PADI2: variants seen among roughly 807,000 people sequenced by gnomAD.
PADI2 encodes the protein peptidyl arginine deiminase 2.
A neutral mutation model predicts 81.1 loss-of-function variants in PADI2; 70 were observed. That is an observed-to-expected ratio of 0.86 (90% CI 0.71 to 1.05). The LOEUF is 1.05. Ranked by LOEUF, PADI2 falls within the 50% of genes least tolerant of loss-of-function variation. PADI2 has a pLI of 0.00. For missense variants in PADI2, 853 were observed against 889.9 expected, an observed-to-expected ratio of 0.96 and a Z score of 0.53; for synonymous variants, 338 against 358.0, an observed-to-expected ratio of 0.94 and a Z score of 0.63.
intron 2 of PADI2, among the ~76,000 whole-genome samples, chr1:17,104,592 C>A (rs1931287615): frequency 1.3e-5 from 2 of 151,714 alleles, no homozygotes; most frequent in South Asian, 4.2e-4. Flanking sequence ...CCGCCCCATG[C>A]CTGGCTAATC....
At chr1:17,107,192 C>G (rs1931410992) in intron 1 of PADI2, among the ~76,000 whole-genome samples, 1 of 152,176 alleles carries the variant, frequency 6.6e-6, no homozygotes, top group Admixed American at 6.5e-5. Flanking sequence ...GTCTCAAAGG[C>G]ACAGCTGCTA....
At position 17,068,952 on chromosome 1, in the gene PADI2, C is replaced by A; in HGVS notation, c.*92G>T. 1.0e-6 allele frequency: 1 copy of A among 994,968 alleles called. No individual in the cohort carries two copies. Among genetic ancestry groups the A allele is most frequent in the Non-Finnish European group, 1.6e-6 (1 of 626,130 alleles). 61.6% of individuals were successfully genotyped at this position (994,968 alleles called of 1,614,324 possible). A position where few individuals can be genotyped will look rare whatever the true frequency, so the allele number is the denominator to read the frequency against. ...ACGTCCCAAAGGTCTCCCAGCGGGG[C>A]TGTCCAGTCCATGTCAGCAGAAGGC... On this transcript the variant is annotated 3_prime_UTR_variant, in exon 16 of 16. Coordinates refer to ENST00000375486, the MANE Select transcript of PADI2 (RefSeq NM_007365.3).
chr1:17,092,326 C>T, intron 6 of PADI2, 82 bp downstream of exon 6: 3 of 1,204,588 alleles, frequency 2.5e-6, no homozygotes, highest in Non-Finnish European at 3.5e-6. Context: ...CAGGCACCTG[C>T]ACCTGTGAAG....
rs543862757 is a variant in PADI2, at chr1:17,098,060, T to A, written c.350-2090A>T. 2.6e-5 allele frequency among the ~76,000 whole-genome samples: 4 copies of A among 152,040 alleles called. No individual in the cohort carries two copies. In the South Asian group the frequency reaches 8.3e-4, roughly 32 times the overall value. On this transcript the variant is annotated intron_variant, in intron 3 of 15. Transcript: ENST00000375486. ...CACCCCCACCCCCTAACGATACAGA[T>A]GAGGAAACCCAGGCCCGCAGCAGGG...
intron 3 of PADI2, among the ~76,000 whole-genome samples, chr1:17,096,800 T>C (rs1930948085): frequency 6.6e-6 from 1 of 152,246 alleles, no homozygotes; most frequent in African/African-American, 2.4e-5. Context: ...TGAGCCCCAG[T>C]TTCCTCACTT....
At chr1:17,096,160 G>C (rs531756750) in intron 3 of PADI2, among the ~76,000 whole-genome samples, 190 bp from the exon 4 acceptor site, 1 of 152,216 alleles carries the variant, frequency 6.6e-6, no homozygotes, top group African/African-American at 2.4e-5. Context: ...ACCGTCAGCA[G>C]ACACCGTGTG....
chr1:17,075,812 C>T lies in PADI2; in HGVS notation c.1322G>A (p.Arg441Gln), dbSNP rs201295732. The change falls in exon 12 of 16, where the codon CGG (arginine) becomes CAG (glutamine). Residue 441 changes from arginine to glutamine, a missense_variant. Arg to Gln is a conservative substitution (Grantham distance 43). Coordinates refer to ENST00000375486, the MANE Select transcript of PADI2 (RefSeq NM_007365.3). ...IGSSFPLSGG[R>Q]RMTKVVRDFL... The stretch of plus-strand genomic sequence containing the variant: ...GTCACGCACCACCTTGGTCATCCTC[C>T]GACCACCAGACCTGGAGAAGGGAGG... The T allele has an allele frequency of 6.6e-5, 106 of 1,613,750 alleles. No homozygotes were observed. The highest frequency in any genetic ancestry group is 1.7e-4 in the Middle Eastern group (1 of 6,060).
At chr1:17,100,054 G>A (rs1931089338) in intron 3 of PADI2, among the ~76,000 whole-genome samples, 1 of 151,786 alleles carries the variant, frequency 6.6e-6, no homozygotes, top group African/African-American at 2.4e-5. Context: ...TTGGGGGGGG[G>A]CTTGCCTCTG....
At chr1:17,075,010 G>A in intron 12 of PADI2, 61 bp from the exon 13 acceptor site, 4 of 1,101,246 alleles carry the variant, frequency 3.6e-6, no homozygotes, top group Non-Finnish European at 5.5e-6. Context: ...GGAGCACGGG[G>A]AGGCCCTGCG....
At chr1:17,082,693 G>A in intron 9 of PADI2, 41 bp from the exon 10 acceptor site, 1 of 1,227,564 alleles carries the variant, frequency 8.1e-7, no homozygotes, top group Non-Finnish European at 1.2e-6. Context: ...GAATCCAGGG[G>A]ACAATTTGTG....
At chr1:17,071,590 CTGGGACTGGGGAGA>C (rs1349942133) in intron 13 of PADI2, 99 bp from the exon 14 acceptor site, 12 of 912,496 alleles carry the variant, frequency 1.3e-5, no homozygotes, top group South Asian at 8.6e-5. Flanking sequence ...AACTGCTGGA[CTGGGACTGGGGAGA>C]TGGGACTGGG....
intron 3 of PADI2, among the ~76,000 whole-genome samples, chr1:17,100,963 A>C (rs145311662): frequency 6.6e-6 from 1 of 152,108 alleles, no homozygotes; most frequent in Non-Finnish European, 1.5e-5. Context: ...CCTGGCCACA[A>C]ATTGTTTTAT....
At chr1:17,074,997 C>A in intron 12 of PADI2, 48 bp from the exon 13 acceptor site, 1 of 1,289,782 alleles carries the variant, frequency 7.8e-7, no homozygotes. Context: ...GGAAGGCACC[C>A]AAGGAGCACG....
At chr1:17,106,409 G>C (rs1268258728) in intron 1 of PADI2, among the ~76,000 whole-genome samples, 1 of 151,438 alleles carries the variant, frequency 6.6e-6, no homozygotes, top group Non-Finnish European at 1.5e-5. Context: ...GGTAATTAAG[G>C]TTAGGTGAGG....
chr1:17,083,907 ATGG>A, intron 8 of PADI2, 70 bp from the exon 9 acceptor site: 1 of 903,304 alleles, frequency 1.1e-6, no homozygotes, highest in Non-Finnish European at 1.9e-6. Flanking sequence ...TCTCCCTGAG[ATGG>A]TGACAGCAGC....
At chr1:17,109,663 G>T (rs1469164781) in intron 1 of PADI2, among the ~76,000 whole-genome samples, 2 of 151,700 alleles carry the variant, frequency 1.3e-5, no homozygotes, top group Non-Finnish European at 2.9e-5. Context: ...GCTAAATTTT[G>T]TATTTTTAGT....
chr1:17,104,097 A>G (rs1372168642), intron 2 of PADI2, among the ~76,000 whole-genome samples: 3 of 150,174 alleles, frequency 2.0e-5, no homozygotes, highest in Non-Finnish European at 4.4e-5. Flanking sequence ...CCTGGCTAAC[A>G]CGGTGAAACC....
intron 11 of PADI2, among the ~76,000 whole-genome samples, chr1:17,078,245 G>A (rs1182689492): frequency 6.6e-6 from 1 of 152,074 alleles, no homozygotes; most frequent in Non-Finnish European, 1.5e-5. Flanking sequence ...TTGAGTAGCT[G>A]GGATTACAGG....
At chr1:17,075,976 C>T (rs887608051) in intron 11 of PADI2, among the ~76,000 whole-genome samples, 153 bp from the exon 12 acceptor site, 2 of 152,148 alleles carry the variant, frequency 1.3e-5, no homozygotes, top group East Asian at 1.9e-4. Context: ...GAGACCCTGG[C>T]GCAGGCAGTA....
Sources: gnomAD v4.1 joint callset for allele counts (sites outside exome capture counted in the v4.1 genomes callset) on GRCh38, gnomAD v4.1.1 for gene constraint, MANE v1.5 for transcripts, NCBI Gene and HGNC (gene_info 2026-07-23, HGNC 2026-07-21) for gene names.